The following PRP4K variants were observed in gnomAD, a reference collection of about 807,000 sequenced individuals.
PRP4K encodes pre-mRNA processing factor kinase PRP4K, also known as serine/threonine-protein kinase PRP4 homolog.
the PRP4K span, chr6:4,021,362 C>G: frequency 6.5e-7 from 1 of 1,550,228 alleles, no homozygotes; most frequent in African/African-American, 1.4e-5. Flanking sequence ...TCTTCCTCCA[C>G]TTCCCCTACC....
chr6:4,036,890 G>A, the PRP4K span, among the ~76,000 whole-genome samples: 1 of 151,280 alleles, frequency 6.6e-6, no homozygotes, highest in South Asian at 2.1e-4. Flanking sequence ...GGGGGCTGAA[G>A]TGGAAGGATT....
At chr6:4,037,158 A>G in the PRP4K span, among the ~76,000 whole-genome samples, 960 of 152,202 alleles carry the variant, frequency 6.3e-3, 8 homozygotes, top group African/African-American at 0.016. Flanking sequence ...ACCGGTATGA[A>G]TAACCTTTAG....
the PRP4K span, chr6:4,049,679 T>A: frequency 6.5e-7 from 1 of 1,530,532 alleles, no homozygotes; most frequent in Non-Finnish European, 9.0e-7. Flanking sequence ...TTTCCTACTT[T>A]CTGATTCTAT....
chr6:4,034,324 G>C, the PRP4K span, among the ~76,000 whole-genome samples: 4 of 152,216 alleles, frequency 2.6e-5, no homozygotes, highest in Non-Finnish European at 5.9e-5. Context: ...TATTGAAACT[G>C]ATGAAAAATT....
At chr6:4,048,310 C>T in the PRP4K span, among the ~76,000 whole-genome samples, 2,206 of 146,090 alleles carry the variant, frequency 0.015, 50 homozygotes, top group African/African-American at 0.052. Context: ...ACCCGAGAGG[C>T]GGAGCTTGCA....
At chr6:4,054,000 C>T in the PRP4K span, among the ~76,000 whole-genome samples, 99,334 of 151,884 alleles carry the variant, frequency 0.65, 32,775 homozygotes, top group East Asian at 0.77. Context: ...ACCTCCAACT[C>T]CTAAGCCCAA....
the PRP4K span, chr6:4,056,590 G>A: frequency 6.3e-7 from 1 of 1,592,714 alleles, no homozygotes; most frequent in South Asian, 1.1e-5. Flanking sequence ...CAGGTGGAAT[G>A]AAGGTAGTTG....
chr6:4,026,359 A>G, the PRP4K span, among the ~76,000 whole-genome samples: 9 of 136,166 alleles, frequency 6.6e-5, no homozygotes, highest in East Asian at 2.2e-4. Flanking sequence ...CTGGAGTGCA[A>G]TGGCGCAATC....
At chr6:4,031,730 T>C in the PRP4K span, 1 of 1,602,808 alleles carries the variant, frequency 6.2e-7, no homozygotes, top group Non-Finnish European at 8.5e-7. Flanking sequence ...AACATAAACA[T>C]AAGCATAAAC....
the PRP4K span, chr6:4,056,301 C>T: frequency 6.4e-7 from 1 of 1,552,860 alleles, no homozygotes; most frequent in Non-Finnish European, 8.9e-7. Flanking sequence ...ATTAAATTCC[C>T]TTGAAAAAAT....
the PRP4K span, chr6:4,056,249 C>G: frequency 1.8e-6 from 2 of 1,087,030 alleles, no homozygotes; most frequent in African/African-American, 1.7e-5. Context: ...CTTTTCAAAG[C>G]CAATAATTTT....
the PRP4K span, among the ~76,000 whole-genome samples, chr6:4,026,366 A>T: frequency 3.2e-4 from 41 of 127,070 alleles, no homozygotes; most frequent in Middle Eastern, 7.1e-3. Flanking sequence ...GCAATGGCGC[A>T]ATCTTGGGTC....
At chr6:4,035,148 G>A in the PRP4K span, among the ~76,000 whole-genome samples, 5 of 148,646 alleles carry the variant, frequency 3.4e-5, no homozygotes, top group Non-Finnish European at 6.0e-5. Flanking sequence ...ATGGAGTCTC[G>A]CTCTGTCGCC....
the PRP4K span, among the ~76,000 whole-genome samples, chr6:4,053,738 A>C: frequency 7.9e-5 from 12 of 152,252 alleles, no homozygotes; most frequent in African/African-American, 2.9e-4. Flanking sequence ...TATGCTGGTA[A>C]CATTCTGCAT....
chr6:4,039,374 A>G, the PRP4K span, among the ~76,000 whole-genome samples: 2 of 152,192 alleles, frequency 1.3e-5, no homozygotes, highest in Non-Finnish European at 2.9e-5. Context: ...CCTGGCTACC[A>G]GTAGAGTTCT....
At chr6:4,021,742 G>T in the PRP4K span, among the ~76,000 whole-genome samples, 3 of 152,232 alleles carry the variant, frequency 2.0e-5, no homozygotes, top group African/African-American at 7.2e-5. Context: ...TCCGGTGCGC[G>T]TGGCGGCTGC....
the PRP4K span, among the ~76,000 whole-genome samples, chr6:4,029,263 C>T: frequency 6.6e-6 from 1 of 151,630 alleles, no homozygotes; most frequent in Non-Finnish European, 1.5e-5. Flanking sequence ...CTTTTGTCAC[C>T]TTCTTTCTCT....
the PRP4K span, among the ~76,000 whole-genome samples, chr6:4,048,206 A>C: frequency 1.3e-5 from 2 of 151,364 alleles, no homozygotes; most frequent in African/African-American, 4.9e-5. Context: ...GTGAAACCCC[A>C]TCTCTACTAA....
the PRP4K span, among the ~76,000 whole-genome samples, chr6:4,048,378 CAAAA>C: frequency 3.0e-5 from 3 of 98,924 alleles, no homozygotes; most frequent in Non-Finnish European, 2.0e-5. Flanking sequence ...GACTCCGTCT[CAAAA>C]AAAAAAAAAA....
Sources: allele counts gnomAD v4.1 joint callset (sites outside exome capture counted in the v4.1 genomes callset), GRCh38; gene constraint gnomAD v4.1.1; transcripts MANE v1.5; gene names NCBI Gene and HGNC (gene_info 2026-07-23, HGNC 2026-07-21).